The following CSGALNACT1 variants were observed in gnomAD, a reference collection of about 807,000 sequenced individuals.
The protein encoded by CSGALNACT1 is beta4GalNAcT-1.
CSGALNACT1 carries 52 observed loss-of-function variants against 51.0 expected under a neutral mutation model. That is an observed-to-expected ratio of 1.02 (90% confidence interval 0.82 to 1.29). The LOEUF (loss-of-function observed/expected upper bound fraction) is 1.29. CSGALNACT1 is among the 50% of genes most tolerant of loss of function. CSGALNACT1 has a pLI of 0.00. For synonymous variants in CSGALNACT1, 341 were observed against 254.4 expected (o/e 1.34, Z -3.24); for missense variants, 935 against 679.2 (o/e 1.38, Z -4.19).
intron 3 of CSGALNACT1, among the ~76,000 whole-genome samples, chr8:19,559,613 G>A (rs1588331976): frequency 6.6e-6 from 1 of 152,188 alleles, no homozygotes; most frequent in African/African-American, 2.4e-5. Flanking sequence ...GCAATGTAGG[G>A]AAACCAATTA....
At position 19,536,107 on chromosome 8, in the gene CSGALNACT1, G is replaced by C. The variant is rs908802173; in HGVS notation, c.-296-29977C>G. ...CAAAAAACTCCTTGAGTAAGTGAGT[G>C]AGTCCAGCAGGAACAAAGGATATAA... On this transcript the variant is annotated intron_variant, in intron 3 of 9. Coordinates refer to ENST00000454498, the Ensembl canonical transcript of CSGALNACT1. Among the ~76,000 whole-genome samples, 25 of 152,302 alleles carry C rather than the reference G, an allele frequency of 1.6e-4. No individual in the cohort carries two copies. The East Asian group carries it at 4.8e-3, about 29-fold the overall frequency.
intron 3 of CSGALNACT1, among the ~76,000 whole-genome samples, chr8:19,554,078 T>A (rs990271570): frequency 6.7e-6 from 1 of 149,370 alleles, no homozygotes; most frequent in Non-Finnish European, 1.5e-5. Flanking sequence ...TGAGAGAAAA[T>A]TAGTAAGAGA....
intron 1 of CSGALNACT1, among the ~76,000 whole-genome samples, chr8:19,706,193 C>T (rs2062153934): frequency 6.6e-6 from 1 of 152,166 alleles, no homozygotes; most frequent in African/African-American, 2.4e-5. Flanking sequence ...ACTCACCAAG[C>T]CTTCCCCAAT....
At chr8:19,434,827 A>G (rs961958292) in intron 6 of CSGALNACT1, among the ~76,000 whole-genome samples, 1 of 151,930 alleles carries the variant, frequency 6.6e-6, no homozygotes, top group Admixed American at 6.6e-5. Flanking sequence ...TTATCTAAAA[A>G]TCCTTGTTTA....
At chr8:19,699,550 T>C (rs1314756260) in intron 1 of CSGALNACT1, among the ~76,000 whole-genome samples, 1 of 152,162 alleles carries the variant, frequency 6.6e-6, no homozygotes, top group African/African-American at 2.4e-5. Context: ...AGGGCAAAAA[T>C]TATATGATGT....
At chr8:19,575,065 T>C (rs1421705380) in intron 3 of CSGALNACT1, among the ~76,000 whole-genome samples, 1 of 152,004 alleles carries the variant, frequency 6.6e-6, no homozygotes, top group Non-Finnish European at 1.5e-5. Context: ...CTCCTCTCCA[T>C]AATATGACCG....
intron 1 of CSGALNACT1, among the ~76,000 whole-genome samples, chr8:19,676,584 C>T (rs10087146): frequency 0.88 from 134,282 of 152,234 alleles, 59,637 homozygotes; most frequent in African/African-American, 0.97. Context: ...TGGAATGATA[C>T]CAAAAGATGT....
intron 5 of CSGALNACT1, among the ~76,000 whole-genome samples, chr8:19,453,946 G>A (rs986230783): frequency 1.3e-5 from 2 of 151,988 alleles, no homozygotes; most frequent in African/African-American, 4.8e-5. Context: ...AGGGAGGGAG[G>A]AAACAATAGA....
At chr8:19,448,703 A>T (rs1046295840) in intron 5 of CSGALNACT1, among the ~76,000 whole-genome samples, 1 of 152,220 alleles carries the variant, frequency 6.6e-6, no homozygotes, top group East Asian at 1.9e-4. Flanking sequence ...GGGCTTTCAC[A>T]GCTGAGAAAG....
At chr8:19,712,087 G>A (rs1298183764) in intron 1 of CSGALNACT1, among the ~76,000 whole-genome samples, 5 of 152,028 alleles carry the variant, frequency 3.3e-5, no homozygotes, top group Admixed American at 1.3e-4. Flanking sequence ...GTGCAGTGGC[G>A]CGATCTCGGC....
intron 4 of CSGALNACT1, among the ~76,000 whole-genome samples, chr8:19,463,526 G>A (rs1322866435): frequency 6.6e-6 from 1 of 152,174 alleles, no homozygotes; most frequent in Non-Finnish European, 1.5e-5. Context: ...GGTGGTGAGG[G>A]AAGGGAAAGT....
chr8:19,476,011 A>T (rs1485294974), intron 4 of CSGALNACT1, among the ~76,000 whole-genome samples: 1 of 152,188 alleles, frequency 6.6e-6, no homozygotes, highest in Non-Finnish European at 1.5e-5. Flanking sequence ...AAGAAAGACA[A>T]TTGTAATCTT....
chr8:19,586,223 C>T (rs1033354916), intron 3 of CSGALNACT1, among the ~76,000 whole-genome samples: 3 of 151,784 alleles, frequency 2.0e-5, no homozygotes, highest in Non-Finnish European at 4.4e-5. Context: ...ATTATCCGGG[C>T]GTGGTGGTGA....
chr8:19,462,791 A>T (rs2065831568), intron 4 of CSGALNACT1, among the ~76,000 whole-genome samples: 1 of 151,042 alleles, frequency 6.6e-6, no homozygotes, highest in Admixed American at 6.6e-5. Context: ...CTGATTTGGG[A>T]TCCCTTAATT....
chr8:19,589,953 C>G (rs2047442683), intron 3 of CSGALNACT1, among the ~76,000 whole-genome samples: 2 of 152,204 alleles, frequency 1.3e-5, no homozygotes, highest in Non-Finnish European at 2.9e-5. Flanking sequence ...CAGTCATTCT[C>G]TTCTTCACTG....
At chr8:19,484,075 C>T (rs192135294) in intron 4 of CSGALNACT1, among the ~76,000 whole-genome samples, 92 of 152,288 alleles carry the variant, frequency 6.0e-4, no homozygotes, top group African/African-American at 2.1e-3. Flanking sequence ...CCCTCCACCC[C>T]ATTAGTCTCT....
At chr8:19,749,039 C>G (rs764087306) in intron 1 of CSGALNACT1, among the ~76,000 whole-genome samples, 2 of 151,904 alleles carry the variant, frequency 1.3e-5, no homozygotes, top group Non-Finnish European at 2.9e-5. Context: ...ATGACTCCGT[C>G]TCCCAGGCCC....
At chr8:19,583,539 C>G (rs1050160752) in intron 3 of CSGALNACT1, among the ~76,000 whole-genome samples, 1 of 152,176 alleles carries the variant, frequency 6.6e-6, no homozygotes, top group African/African-American at 2.4e-5. Flanking sequence ...TCCATTCTAA[C>G]TGACACTCTC....
intron 4 of CSGALNACT1, among the ~76,000 whole-genome samples, chr8:19,503,688 T>A (rs1003030492): frequency 2.6e-5 from 4 of 152,184 alleles, no homozygotes; most frequent in Non-Finnish European, 5.9e-5. Context: ...TTATCATGAT[T>A]CTAATTTTGA....
Sources: gnomAD v4.1 joint callset for allele counts (sites outside exome capture counted in the v4.1 genomes callset) on GRCh38, gnomAD v4.1.1 for gene constraint, MANE v1.5 for transcripts, NCBI Gene and HGNC (gene_info 2026-07-23, HGNC 2026-07-21) for gene names.